The following ANAPC16 variants were observed in gnomAD, a reference collection of about 807,000 sequenced individuals.
ANAPC16 encodes the protein anaphase-promoting complex subunit 16.
A neutral mutation model predicts 13.1 loss-of-function variants in ANAPC16; 6 were observed. That is an observed-to-expected ratio of 0.46 (90% confidence interval 0.25 to 0.90). The LOEUF (loss-of-function observed/expected upper bound fraction) is 0.90, where lower values mean the gene tolerates loss of function less well. ANAPC16 is among the 40% of genes least tolerant of loss of function. ANAPC16 has a pLI of 0.18. For missense variants in ANAPC16, 113 were observed against 131.1 expected, an observed-to-expected ratio of 0.86 and a Z score of 0.67; for synonymous variants, 55 against 51.3, an observed-to-expected ratio of 1.07 and a Z score of -0.31.
In ANAPC16 at chr10:72,218,145, C is replaced by CAAAAAAAAAAAAA. The variant is rs142932037; in HGVS notation, c.-28+2016_-28+2028dup. On this transcript the variant is annotated intron_variant, in intron 1 of 3. Coordinates refer to ENST00000299381, the MANE Select transcript of ANAPC16 (RefSeq NM_173473.4). ...GGGCAACAAGAGTGAAACTCTGTCT[C>CAAAAAAAAAAAAA]AAAAAAAAAAAAAAAAAAAAATATA... Among the ~76,000 whole-genome samples the CAAAAAAAAAAAAA allele has an allele frequency of 4.9e-4, 17 of 34,870 alleles. 2 individuals are homozygous for CAAAAAAAAAAAAA. Among genetic ancestry groups the CAAAAAAAAAAAAA allele is most frequent in the Middle Eastern group, 0.023 (1 of 44 alleles). The allele number at this position is 34,870 out of a possible 152,430, so 22.9% of individuals were successfully genotyped here.
chr10:72,224,261 A>C (rs1860044830), intron 2 of ANAPC16, among the ~76,000 whole-genome samples: 1 of 152,090 alleles, frequency 6.6e-6, no homozygotes, highest in South Asian at 2.1e-4. Flanking sequence ...TTTGGAAATC[A>C]ATGAAGTCAT....
chr10:72,216,242 G>C (rs1443289240), intron 1 of ANAPC16, 104 bp downstream of exon 1: 2 of 157,216 alleles, frequency 1.3e-5, no homozygotes, highest in Non-Finnish European at 2.8e-5. Flanking sequence ...GGTAGGAGGA[G>C]AAACAGGAGA....
intron 1 of ANAPC16, chr10:72,216,950 GA>G: frequency 2.2e-6 from 1 of 456,110 alleles, no homozygotes; most frequent in East Asian, 6.9e-5. Flanking sequence ...CAATGAGAAA[GA>G]AAAAAATCCA....
intron 2 of ANAPC16, among the ~76,000 whole-genome samples, chr10:72,225,327 C>T (rs986290292): frequency 9.3e-5 from 14 of 151,122 alleles, no homozygotes; most frequent in Non-Finnish European, 7.4e-5. Flanking sequence ...TTTCTGGGCC[C>T]ACCTTAGAGT....
chr10:72,232,941 T>C, intron 3 of ANAPC16, 60 bp from the exon 4 acceptor site: 4 of 1,331,264 alleles, frequency 3.0e-6, no homozygotes, highest in Non-Finnish European at 2.2e-6. Context: ...TCTTGGTGGC[T>C]GGTGGCAGTC....
At chr10:72,232,796 G>A (rs1310117131) in intron 3 of ANAPC16, among the ~76,000 whole-genome samples, 1 of 151,838 alleles carries the variant, frequency 6.6e-6, no homozygotes, top group African/African-American at 2.4e-5. Flanking sequence ...TATAGAGATG[G>A]GGTTTCACCA....
chr10:72,228,794 A>G (rs1201963990), intron 2 of ANAPC16, among the ~76,000 whole-genome samples: 4 of 152,200 alleles, frequency 2.6e-5, no homozygotes, highest in Admixed American at 1.3e-4. Flanking sequence ...TTCCTTTTTG[A>G]AAGTTTAGCT....
Position 72,218,189 on chromosome 10 carries a change from T to A in ANAPC16, c.-28+2051T>A, listed in dbSNP as rs868867789. ...AAATATATATATATATATATATATA[T>A]ATATATATATATATATATATATATA... On this transcript the variant is annotated intron_variant, in intron 1 of 3. Transcript: ENST00000299381. 7.8e-3 allele frequency among the ~76,000 whole-genome samples: 778 copies of A among 99,694 alleles called. 116 individuals carry two copies. Among genetic ancestry groups the A allele is most frequent in the African/African-American group, 0.043 (693 of 16,016 alleles). The allele number at this position is 99,694 out of a possible 152,430, so 65.4% of individuals were successfully genotyped here. A position where few individuals can be genotyped will look rare whatever the true frequency, so the allele number is the denominator to read the frequency against.
At position 72,230,365 on chromosome 10, in the gene ANAPC16, G is replaced by C; in HGVS notation, c.143-1G>C. 6.2e-7 allele frequency: 1 copy of C among 1,613,716 alleles called. No homozygotes were observed. ...AAAACCTTTTCTCCTTTTGTTTGTA[G>C]ATGGCTCTGAGAGATTCCTCTGCGA... On this transcript the variant is annotated splice_acceptor_variant, in intron 2 of 3. Transcript: ENST00000299381. LOFTEE classifies it high-confidence loss of function.
intron 2 of ANAPC16, among the ~76,000 whole-genome samples, chr10:72,227,388 C>T (rs768571993): frequency 1.3e-4 from 20 of 152,076 alleles, no homozygotes; most frequent in Non-Finnish European, 2.6e-4. Flanking sequence ...TTGTAGGATA[C>T]ATTTATATTA....
chr10:72,232,087 G>A (rs186722593), intron 3 of ANAPC16, among the ~76,000 whole-genome samples: 10 of 150,270 alleles, frequency 6.7e-5, no homozygotes, highest in African/African-American at 2.5e-4. Flanking sequence ...TCGGGAGGCT[G>A]AGGCAGCAGA....
chr10:72,224,157 TC>T (rs1251577440), intron 2 of ANAPC16, 101 bp downstream of exon 2: 59 of 1,222,788 alleles, frequency 4.8e-5, no homozygotes, highest in Non-Finnish European at 6.1e-5. Flanking sequence ...TGCCCTGATT[TC>T]AGCTCCACAT....
rs1589719638 is a variant in ANAPC16 at position 72,233,204 on chromosome 10, A to C, written c.*88A>C. ...AGCTTACATAGCCATCCAGAGATCCACAGCTACGTCACTGAATTGTTAATG... is the reference window on the plus strand; with the variant it reads ...AGCTTACATAGCCATCCAGAGATCCCCAGCTACGTCACTGAATTGTTAATG... On this transcript the variant is annotated 3_prime_UTR_variant, in exon 4 of 4. Transcript: ENST00000299381. 1 of 956,534 alleles carries C rather than the reference A, an allele frequency of 1.0e-6. No individual in the cohort carries two copies. The highest frequency in any genetic ancestry group is 2.5e-5 in the East Asian group (1 of 39,774). The allele number at this position is 956,534 out of a possible 1,614,324, so 59.3% of individuals were successfully genotyped here.
chr10:72,230,571 T>A, intron 3 of ANAPC16, 131 bp downstream of exon 3: 1 of 742,522 alleles, frequency 1.3e-6, no homozygotes, highest in Middle Eastern at 2.4e-4. Flanking sequence ...ACATTCTAGG[T>A]CTTAATCTAG....
chr10:72,233,163 TGGG>T lies in ANAPC16; in HGVS notation c.*50_*52del. 1 of 1,487,452 alleles carries T rather than the reference TGGG, an allele frequency of 6.7e-7. No homozygotes were observed. The highest frequency in any genetic ancestry group is 1.1e-5 in the South Asian group (1 of 88,070). The allele number at this position is 1,487,452 out of a possible 1,614,324, so 92.1% of individuals were successfully genotyped here. ...TGGTGCGCAGCAAGTGCAAAGCCAG[TGGG>T]GGACTTTCTCACAGCTTACATAGCC... On this transcript the variant is annotated 3_prime_UTR_variant, in exon 4 of 4. Coordinates refer to ENST00000299381, the MANE Select transcript of ANAPC16 (RefSeq NM_173473.4).
intron 3 of ANAPC16, 71 bp downstream of exon 3, chr10:72,230,511 A>G (rs1860264482): frequency 1.5e-6 from 2 of 1,313,382 alleles, no homozygotes; most frequent in East Asian, 2.3e-5. Flanking sequence ...GCTGTGACAA[A>G]AATCCCCAAA....
chr10:72,232,903 C>CTAGAAATTATTT, intron 3 of ANAPC16, 98 bp from the exon 4 acceptor site: 1 of 993,242 alleles, frequency 1.0e-6, no homozygotes. Context: ...CACACCCGGC[C>CTAGAAATTATTT]TAGAAATTAT....
At position 72,234,710 on chromosome 10, in the gene ANAPC16, G is replaced by A. The variant is rs142950303; in HGVS notation, c.*1594G>A. 2 of 152,192 alleles carry A rather than the reference G, an allele frequency of 1.3e-5. No homozygotes were observed. Among genetic ancestry groups the A allele is most frequent in the Admixed American group, 6.5e-5 (1 of 15,274 alleles). The allele number at this position is 152,192 out of a possible 1,614,324, so 9.4% of individuals were successfully genotyped here. A position where few individuals can be genotyped will look rare whatever the true frequency, so the allele number is the denominator to read the frequency against. On this transcript the variant is annotated 3_prime_UTR_variant, in exon 4 of 4. Coordinates refer to ENST00000299381, the MANE Select transcript of ANAPC16 (RefSeq NM_173473.4). ...AAATGTTTAACACATTCTACCTGAC[G>A]GGAGGTGGTGACCTCATTCAGTCGG...
Position 72,226,578 on chromosome 10 carries a change from T to A in ANAPC16, c.142+2522T>A, listed in dbSNP as rs549986660. Among the ~76,000 whole-genome samples, 6 of 149,018 alleles carry A rather than the reference T, an allele frequency of 4.0e-5. No individual in the cohort carries two copies. In the East Asian group the frequency reaches 1.2e-3, roughly 29 times the overall value. ...GTCCCAGCTACTTAGGAAGGTGAGG[T>A]GGGAGGTTCACCTGAGCCTGGGAGG... On this transcript the variant is annotated intron_variant, in intron 2 of 3. Transcript: ENST00000299381.
Sources: allele counts gnomAD v4.1 joint callset (sites outside exome capture counted in the v4.1 genomes callset), GRCh38; gene constraint gnomAD v4.1.1; transcripts MANE v1.5; gene names NCBI Gene and HGNC (gene_info 2026-07-23, HGNC 2026-07-21).